The following PARD3B variants were observed in gnomAD, a reference collection of about 807,000 sequenced individuals.
The protein encoded by PARD3B is partitioning defective 3 homolog B.
A neutral mutation model predicts 130.2 loss-of-function variants in PARD3B; 103 were observed. That is an observed-to-expected ratio of 0.79 (90% CI 0.67 to 0.93). The LOEUF is 0.93. PARD3B is among the 40% of genes least tolerant of loss of function. The pLI, the probability that PARD3B is intolerant of heterozygous loss-of-function variation, is 0.00. For synonymous variants in PARD3B, 583 were observed against 553.2 expected (o/e 1.05, Z -0.76); for missense variants, 1,609 against 1,499.2 (o/e 1.07, Z -1.21).
At chr2:205,005,848 G>A (rs1318602588) in intron 3 of PARD3B, among the ~76,000 whole-genome samples, 1 of 152,088 alleles carries the variant, frequency 6.6e-6, no homozygotes. Flanking sequence ...GGGTACAGGT[G>A]GTTTTTGATT....
chr2:204,720,725 G>A (rs751207759), intron 2 of PARD3B, among the ~76,000 whole-genome samples: 2 of 152,166 alleles, frequency 1.3e-5, no homozygotes, highest in East Asian at 1.9e-4. Context: ...GTTGCCATCC[G>A]GTACCTGTTA....
intron 2 of PARD3B, among the ~76,000 whole-genome samples, chr2:204,812,041 C>T (rs2042979961): frequency 6.6e-6 from 1 of 152,044 alleles, no homozygotes; most frequent in Non-Finnish European, 1.5e-5. Flanking sequence ...ATTTTTCTCC[C>T]ATGCACCCTT....
At chr2:204,660,926 T>C (rs1279175936) in intron 1 of PARD3B, among the ~76,000 whole-genome samples, 2 of 152,152 alleles carry the variant, frequency 1.3e-5, no homozygotes, top group Admixed American at 6.5e-5. Flanking sequence ...AGCCATTAAT[T>C]CCCAAGTTGA....
chr2:205,186,506 A>G (rs2125788980), intron 14 of PARD3B, among the ~76,000 whole-genome samples: 2 of 152,220 alleles, frequency 1.3e-5, no homozygotes, highest in South Asian at 2.1e-4. Flanking sequence ...TATTTTCTAT[A>G]TTTACTATGG....
In PARD3B at chr2:204,967,876, C is replaced by G. The variant is rs2125860462; in HGVS notation, c.394+2553C>G. ...TGGGAGTGTGACCTGGCTGTCCTGTCTGGTCCACCCTGAAAGCCTGCTTAG... is the reference window on the plus strand; with the variant it reads ...TGGGAGTGTGACCTGGCTGTCCTGTGTGGTCCACCCTGAAAGCCTGCTTAG... On this transcript the variant is annotated intron_variant, in intron 3 of 22. Transcript: ENST00000406610. This position sits in a 1 kb window ranked among gnomAD's most constrained non-coding sequence, Gnocchi z 4.4. Among the ~76,000 whole-genome samples the G allele has an allele frequency of 6.6e-6, 1 of 152,228 alleles. No individual in the cohort carries two copies. The highest frequency in any genetic ancestry group is 2.1e-4 in the South Asian group (1 of 4,818).
chr2:204,566,901 CGGAG>C (rs1231982875), intron 1 of PARD3B, among the ~76,000 whole-genome samples: 1 of 145,536 alleles, frequency 6.9e-6, no homozygotes, highest in Non-Finnish European at 1.5e-5. Context: ...TTTTTTGAGA[CGGAG>C]TCTCGCTCTG....
intron 5 of PARD3B, among the ~76,000 whole-genome samples, chr2:205,110,863 T>C (rs895096773): frequency 1.3e-5 from 2 of 152,132 alleles, no homozygotes; most frequent in African/African-American, 4.8e-5. Flanking sequence ...TAGCCTATTT[T>C]CATGTCTTTG....
chr2:205,304,922 G>A (rs1371173419), intron 18 of PARD3B, among the ~76,000 whole-genome samples: 1 of 152,146 alleles, frequency 6.6e-6, no homozygotes, highest in African/African-American at 2.4e-5. Flanking sequence ...TCCAGCCTGG[G>A]CAACAGAGTA....
chr2:205,534,312 G>T (rs1037924626), intron 21 of PARD3B, among the ~76,000 whole-genome samples: 1 of 152,162 alleles, frequency 6.6e-6, no homozygotes, highest in Admixed American at 6.5e-5. Context: ...AAGGGGCTGG[G>T]CAAGCATGCT....
intron 2 of PARD3B, among the ~76,000 whole-genome samples, chr2:204,803,864 T>G (rs942192594): frequency 1.3e-5 from 2 of 152,136 alleles, no homozygotes; most frequent in African/African-American, 4.8e-5. Context: ...TTACCAATAA[T>G]AACATTGAAT....
chr2:205,521,384 G>A (rs186689420), intron 21 of PARD3B, among the ~76,000 whole-genome samples: 12 of 152,034 alleles, frequency 7.9e-5, no homozygotes, highest in Non-Finnish European at 1.5e-4. Flanking sequence ...AGAATATTAA[G>A]CCTTTACTGT....
chr2:205,149,244 A>G (rs545169054), intron 10 of PARD3B, among the ~76,000 whole-genome samples: 4 of 151,604 alleles, frequency 2.6e-5, no homozygotes, highest in African/African-American at 7.3e-5. Flanking sequence ...GACCAGGTAG[A>G]CTCTTCAGTT....
At chr2:204,861,407 G>A (rs1482227588) in intron 2 of PARD3B, among the ~76,000 whole-genome samples, 2 of 152,074 alleles carry the variant, frequency 1.3e-5, no homozygotes, top group African/African-American at 2.4e-5. Context: ...AAGTGGAAAT[G>A]TATTACTTGA....
At chr2:205,310,329 G>A (rs533536752) in intron 18 of PARD3B, among the ~76,000 whole-genome samples, 42 of 151,682 alleles carry the variant, frequency 2.8e-4, no homozygotes, top group South Asian at 8.3e-4. Flanking sequence ...CCTCATGATC[G>A]CCTGCCTCAG....
Position 205,407,897 on chromosome 2 carries a change from A to C in PARD3B, c.2741+6774A>C, listed in dbSNP as rs2046464323. ...TCAGAGTTTATTTTGCAGGAAGCTCATTTGTTGTATTAATTAAACATTGCT... is the reference window on the plus strand; with the variant it reads ...TCAGAGTTTATTTTGCAGGAAGCTCCTTTGTTGTATTAATTAAACATTGCT... On this transcript the variant is annotated intron_variant, in intron 19 of 22. Coordinates refer to ENST00000406610, the MANE Select transcript of PARD3B (RefSeq NM_001302769.2). This position sits in a 1 kb window ranked among gnomAD's most constrained non-coding sequence, Gnocchi z 4.1. Among the ~76,000 whole-genome samples, 1 of 152,178 alleles carries C rather than the reference A, an allele frequency of 6.6e-6. No homozygotes were observed. Among genetic ancestry groups the C allele is most frequent in the Non-Finnish European group, 1.5e-5 (1 of 68,030 alleles).
rs1261608616 is a variant in PARD3B at position 204,857,030 on chromosome 2, T to G, written c.223-108122T>G. 5.9e-5 allele frequency among the ~76,000 whole-genome samples: 9 copies of G among 152,220 alleles called. No homozygotes were observed. The South Asian group carries it at 1.0e-3, about 18-fold the overall frequency. On this transcript the variant is annotated intron_variant, in intron 2 of 22. Coordinates refer to ENST00000406610, the MANE Select transcript of PARD3B (RefSeq NM_001302769.2). ...GATTGCTTTGGTTGTTATGGGTCTTTTCTTGTTCCATATTTGACCCCCACT... is the reference window on the plus strand; with the variant it reads ...GATTGCTTTGGTTGTTATGGGTCTTGTCTTGTTCCATATTTGACCCCCACT...
In PARD3B at chr2:204,648,643, T is replaced by A. The variant is rs189460712; in HGVS notation, c.121-37538T>A. Among the ~76,000 whole-genome samples, 25 of 116,190 alleles carry A rather than the reference T, an allele frequency of 2.2e-4. 1 individual carries two copies. The East Asian group carries it at 2.4e-3, about 11-fold the overall frequency. 76.2% of individuals were successfully genotyped at this position (116,190 alleles called of 152,430 possible). On this transcript the variant is annotated intron_variant, in intron 1 of 22. Coordinates refer to ENST00000406610, the MANE Select transcript of PARD3B (RefSeq NM_001302769.2). ...ACTATAATTTATATATAATATATATTATATATATAATATATTTATAATATA... is the reference window on the plus strand; with the variant it reads ...ACTATAATTTATATATAATATATATAATATATATAATATATTTATAATATA...
rs745415671 is a variant in PARD3B, at chr2:204,829,998, CAAAAAAA to C, written c.223-135134_223-135128del. On this transcript the variant is annotated intron_variant, in intron 2 of 22. Coordinates refer to ENST00000406610, the MANE Select transcript of PARD3B (RefSeq NM_001302769.2). ...TGGGCGACAGAGCGAGACTCCGTCT[CAAAAAAA>C]AAAAAAAAAAAAAAAAAAATGTGTA... 2.1e-4 allele frequency among the ~76,000 whole-genome samples: 10 copies of C among 47,706 alleles called. No homozygotes were observed. The East Asian group carries it at 5.1e-3, about 24-fold the overall frequency. The allele number at this position is 47,706 out of a possible 152,430, so 31.3% of individuals were successfully genotyped here.
intron 11 of PARD3B, among the ~76,000 whole-genome samples, chr2:205,166,522 T>C (rs1010551521): frequency 6.6e-6 from 1 of 152,200 alleles, no homozygotes; most frequent in African/African-American, 2.4e-5. Flanking sequence ...TGTAGTAGCT[T>C]TTTTGTTTTA....
Sources: gnomAD v4.1 joint callset for allele counts (sites outside exome capture counted in the v4.1 genomes callset) on GRCh38, gnomAD v4.1.1 for gene constraint, Gnocchi (gnomAD v3.1) non-coding constraint, MANE v1.5 for transcripts, NCBI Gene and HGNC (gene_info 2026-07-23, HGNC 2026-07-21) for gene names.